The following XRRA1 variants were observed in gnomAD, a reference collection of about 807,000 sequenced individuals.
XRRA1 encodes X-ray radiation resistance-associated protein 1.
In XRRA1, 69 loss-of-function variants were observed where a neutral mutation model predicts 80.2. That is an observed-to-expected ratio of 0.86 (90% CI 0.71 to 1.05). The LOEUF (loss-of-function observed/expected upper bound fraction) is 1.05. Ranked by LOEUF, XRRA1 falls within the 50% of genes least tolerant of loss-of-function variation. XRRA1 has a pLI of 0.00. For missense variants in XRRA1, 967 were observed against 976.4 expected, an observed-to-expected ratio of 0.99 and a Z score of 0.13; for synonymous variants, 348 against 389.9, an observed-to-expected ratio of 0.89 and a Z score of 1.27.
At chr11:74,865,172 C>T (rs1445512942) in intron 10 of XRRA1, among the ~76,000 whole-genome samples, 2 of 151,936 alleles carry the variant, frequency 1.3e-5, no homozygotes, top group Non-Finnish European at 2.9e-5. Context: ...GCCCTGGCCC[C>T]TCCTGCTGCA....
intron 8 of XRRA1, 22 bp from the exon 9 acceptor site, chr11:74,907,295 G>A (rs772009649): frequency 6.8e-6 from 11 of 1,613,398 alleles, no homozygotes; most frequent in Non-Finnish European, 9.3e-6. Context: ...AAGATCTTGG[G>A]TAATGAGCAA....
At chr11:74,927,586 C>T in intron 6 of XRRA1, 98 bp from the exon 7 acceptor site, 2 of 806,146 alleles carry the variant, frequency 2.5e-6, no homozygotes, top group South Asian at 3.1e-5. Flanking sequence ...TGGGTTAGGC[C>T]AGGCACTGTA....
In XRRA1 at chr11:74,877,865, T is replaced by C. The variant is rs1383258064; in HGVS notation, c.1004-14844A>G. Among the ~76,000 whole-genome samples the C allele has an allele frequency of 2.1e-3, 320 of 152,242 alleles. 3 individuals are homozygous for C. Among genetic ancestry groups the C allele is most frequent in the Non-Finnish European group, 3.6e-3 (243 of 67,980 alleles). ...ATTTTCTTAATCCAGTCTATCATTG[T>C]TGGACATTTGGGTTGGTTCCAAGTC... On this transcript the variant is annotated intron_variant, in intron 10 of 18. Coordinates refer to ENST00000684022, the MANE Select transcript of XRRA1 (RefSeq NM_001378157.1).
chr11:74,859,507 G>T (rs2041878755), intron 11 of XRRA1, among the ~76,000 whole-genome samples: 1 of 152,140 alleles, frequency 6.6e-6, no homozygotes, highest in South Asian at 2.1e-4. Flanking sequence ...TAATTCTCAA[G>T]CACCCAAAGT....
chr11:74,942,849 G>A (rs1946599383), intron 2 of XRRA1, among the ~76,000 whole-genome samples: 1 of 152,248 alleles, frequency 6.6e-6, no homozygotes, highest in Non-Finnish European at 1.5e-5. Context: ...AACAGGATGA[G>A]AAAAGCTTCA....
chr11:74,883,210 G>A (rs540643086), intron 10 of XRRA1, among the ~76,000 whole-genome samples: 7 of 130,884 alleles, frequency 5.3e-5, no homozygotes, highest in South Asian at 4.9e-4. Flanking sequence ...ATATAATCTC[G>A]TGGTGTGCCG....
At chr11:74,924,511 C>G (rs1941759697) in intron 7 of XRRA1, among the ~76,000 whole-genome samples, 1 of 149,932 alleles carries the variant, frequency 6.7e-6, no homozygotes, top group South Asian at 2.1e-4. Context: ...GTTTCATGTG[C>G]AAATTATGTG....
chr11:74,853,106 CAGAG>C (rs1217146426), intron 12 of XRRA1, among the ~76,000 whole-genome samples: 2 of 152,204 alleles, frequency 1.3e-5, no homozygotes, highest in African/African-American at 4.8e-5. Flanking sequence ...TTTCTGCCCT[CAGAG>C]AGCACTGTCT....
intron 13 of XRRA1, among the ~76,000 whole-genome samples, chr11:74,851,565 T>C (rs956332843): frequency 5.3e-5 from 8 of 152,306 alleles, no homozygotes; most frequent in African/African-American, 1.9e-4. Context: ...CAGTGTGCTC[T>C]GGGAAGAGAG....
chr11:74,870,583 A>G (rs770380382), intron 10 of XRRA1, among the ~76,000 whole-genome samples: 5 of 152,154 alleles, frequency 3.3e-5, no homozygotes, highest in Non-Finnish European at 5.9e-5. Context: ...GTGATTTTCT[A>G]GGAATAGAAA....
chr11:74,867,490 C>T (rs2043699588), intron 10 of XRRA1, among the ~76,000 whole-genome samples: 1 of 152,170 alleles, frequency 6.6e-6, no homozygotes, highest in African/African-American at 2.4e-5. Flanking sequence ...AGCTGAAAGA[C>T]TGGCTCTTCA....
chr11:74,910,617 A>C (rs561491985), intron 8 of XRRA1: 2 of 152,410 alleles, frequency 1.3e-5, no homozygotes, highest in African/African-American at 4.8e-5. Context: ...GGCCATGAAA[A>C]GCTTTGAGCG....
intron 10 of XRRA1, among the ~76,000 whole-genome samples, chr11:74,878,581 G>T (rs1328852740): frequency 2.0e-5 from 3 of 151,556 alleles, no homozygotes; most frequent in Non-Finnish European, 4.4e-5. Flanking sequence ...TTCTTCTAGG[G>T]TTTTTATGGT....
chr11:74,899,396 G>T (rs563573959), intron 10 of XRRA1, among the ~76,000 whole-genome samples: 2 of 152,180 alleles, frequency 1.3e-5, no homozygotes, highest in East Asian at 3.9e-4. Flanking sequence ...TAGAAGAAAA[G>T]AGATAATAAA....
In XRRA1 at chr11:74,943,146, T is replaced by TCAC. The variant is rs560445185; in HGVS notation, c.-5+1871_-5+1872insGTG. Among the ~76,000 whole-genome samples, 23 of 152,322 alleles carry TCAC rather than the reference T, an allele frequency of 1.5e-4. No individual in the cohort carries two copies. In the East Asian group the frequency reaches 4.4e-3, roughly 29 times the overall value. Reference sequence around the variant, plus strand: ...CATCCTCTATCTGCTATGGGGTGGCTCCGAGACTCTTCAATACCAATTTAC... The same window carrying TCAC: ...CATCCTCTATCTGCTATGGGGTGGCTCACCCGAGACTCTTCAATACCAATTTAC... On this transcript the variant is annotated intron_variant, in intron 2 of 18. Transcript: ENST00000684022.
chr11:74,879,712 G>A (rs1282673), intron 10 of XRRA1, among the ~76,000 whole-genome samples: 141,139 of 147,874 alleles, frequency 0.95, 67,443 homozygotes, highest in African/African-American at 0.99. Context: ...TTCTGCATCT[G>A]TTGAGATAAT....
At chr11:74,941,617 G>A (rs1946354600) in intron 2 of XRRA1, among the ~76,000 whole-genome samples, 1 of 152,158 alleles carries the variant, frequency 6.6e-6, no homozygotes, top group Non-Finnish European at 1.5e-5. Context: ...GCTTCATCTT[G>A]TAGGTGACTG....
chr11:74,895,276 C>T (rs1246183566), intron 10 of XRRA1, among the ~76,000 whole-genome samples: 1 of 152,146 alleles, frequency 6.6e-6, no homozygotes, highest in African/African-American at 2.4e-5. Context: ...GCACAGCAAC[C>T]GAGGGACCTT....
intron 7 of XRRA1, among the ~76,000 whole-genome samples, chr11:74,922,035 A>G (rs1163054379): frequency 6.6e-6 from 1 of 152,126 alleles, no homozygotes; most frequent in Admixed American, 6.5e-5. Context: ...AGGTGGGCAG[A>G]TCATGAGGTC....
Sources: allele counts gnomAD v4.1 joint callset (sites outside exome capture counted in the v4.1 genomes callset), GRCh38; gene constraint gnomAD v4.1.1; transcripts MANE v1.5; gene names NCBI Gene and HGNC (gene_info 2026-07-23, HGNC 2026-07-21).